The following PCDH15 variants were observed in gnomAD, a reference collection of about 807,000 sequenced individuals.
PCDH15 encodes protocadherin-15.
PCDH15 carries 129 observed loss-of-function variants against 178.5 expected under a neutral mutation model. The ratio of observed to expected loss-of-function variants is 0.72; its 90% CI spans 0.63 to 0.84. The LOEUF (loss-of-function observed/expected upper bound fraction) is 0.84. PCDH15 is among the 40% of genes least tolerant of loss of function. The pLI, the probability that PCDH15 is intolerant of heterozygous loss-of-function variation, is 0.00. For synonymous variants in PCDH15, 800 were observed against 732.0 expected (o/e 1.09, Z -1.50); for missense variants, 2,230 against 2,099.9 (o/e 1.06, Z -1.21).
At chr10:54,031,831 AAAGT>A (rs1381067279) in intron 18 of PCDH15, among the ~76,000 whole-genome samples, 1 of 152,012 alleles carries the variant, frequency 6.6e-6, no homozygotes, top group Non-Finnish European at 1.5e-5. Context: ...GCAAAGAAAG[AAAGT>A]AATGTTGTTT....
chr10:54,904,648 C>T (rs1307849021), intron 2 of PCDH15, among the ~76,000 whole-genome samples: 1 of 151,938 alleles, frequency 6.6e-6, no homozygotes. Context: ...TCAGAATGAA[C>T]CATGACATTT....
At chr10:55,291,659 C>T (rs1476790381) in intron 1 of PCDH15, among the ~76,000 whole-genome samples, 1 of 152,154 alleles carries the variant, frequency 6.6e-6, no homozygotes, top group African/African-American at 2.4e-5. Flanking sequence ...TGACTGACTT[C>T]TTTGAAGTCA....
At chr10:55,005,231 A>G (rs954803966) in intron 2 of PCDH15, among the ~76,000 whole-genome samples, 3 of 32,486 alleles carry the variant, frequency 9.2e-5, no homozygotes, top group African/African-American at 2.1e-4. Flanking sequence ...ATAATAATCA[A>G]TGGAGCCTCT....
At chr10:54,396,528 TCTGG>T (rs1951249497) in intron 3 of PCDH15, among the ~76,000 whole-genome samples, 1 of 152,162 alleles carries the variant, frequency 6.6e-6, no homozygotes, top group Admixed American at 6.6e-5. Flanking sequence ...TTTAGTATTT[TCTGG>T]CTGACAGAGC....
chr10:55,393,629 A>C (rs1374005854), intron 2 of PCDH15, among the ~76,000 whole-genome samples: 1 of 152,118 alleles, frequency 6.6e-6, no homozygotes, highest in Non-Finnish European at 1.5e-5. Flanking sequence ...AATTCCTTAA[A>C]CTACAAGAAA....
At chr10:54,166,915 C>G (rs1160521295) in intron 13 of PCDH15, among the ~76,000 whole-genome samples, 1 of 152,218 alleles carries the variant, frequency 6.6e-6, no homozygotes. Context: ...CTCCACTGAG[C>G]ACCTTGCGAA....
At chr10:54,656,387 C>T (rs1364402557) in intron 2 of PCDH15, among the ~76,000 whole-genome samples, 1 of 152,114 alleles carries the variant, frequency 6.6e-6, no homozygotes, top group Non-Finnish European at 1.5e-5. Context: ...CAACAACCTG[C>T]TAACCATCGA....
At chr10:54,998,664 T>C (rs1839710791) in intron 2 of PCDH15, among the ~76,000 whole-genome samples, 1 of 152,174 alleles carries the variant, frequency 6.6e-6, no homozygotes, top group Non-Finnish European at 1.5e-5. Context: ...GCAATTCTTT[T>C]TTTAATATTG....
chr10:55,231,926 G>C (rs543176509), intron 1 of PCDH15, among the ~76,000 whole-genome samples: 1 of 151,986 alleles, frequency 6.6e-6, no homozygotes, highest in South Asian at 2.1e-4. Flanking sequence ...ATTAATAATA[G>C]GAAGGGTAAT....
chr10:55,306,097 G>T (rs1245160268), intron 1 of PCDH15, among the ~76,000 whole-genome samples: 2 of 152,106 alleles, frequency 1.3e-5, no homozygotes, highest in Non-Finnish European at 2.9e-5. Context: ...ACCCACCCAA[G>T]CTATCATTAA....
Position 54,076,633 on chromosome 10 carries a change from AT to A in PCDH15, c.2091+2697del, listed in dbSNP as rs533133294. On this transcript the variant is annotated intron_variant, in intron 17 of 37. Coordinates refer to ENST00000644397, the MANE Select transcript of PCDH15 (RefSeq NM_001384140.1). ...TGTACCCCCGATAGCTAAAAAAAAA[AT>A]AAATTACATGACACATGCAACTTAT... is the stretch of plus-strand genomic sequence containing the variant. Among the ~76,000 whole-genome samples the A allele has an allele frequency of 6.6e-5, 10 of 152,252 alleles. No individual in the cohort carries two copies. In the East Asian group the frequency reaches 1.9e-3, roughly 29 times the overall value.
At chr10:54,252,419 A>C (rs941940246) in intron 8 of PCDH15, among the ~76,000 whole-genome samples, 1 of 152,220 alleles carries the variant, frequency 6.6e-6, no homozygotes, top group Non-Finnish European at 1.5e-5. Flanking sequence ...TCAAAGATTG[A>C]TACTTCGAGG....
intron 2 of PCDH15, among the ~76,000 whole-genome samples, chr10:54,578,601 T>C (rs1233158609): frequency 1.3e-5 from 2 of 152,134 alleles, no homozygotes; most frequent in Non-Finnish European, 2.9e-5. Context: ...AGTTTTATGG[T>C]CAGAATGACA....
intron 13 of PCDH15, among the ~76,000 whole-genome samples, chr10:54,172,570 A>C (rs1054899722): frequency 5.9e-5 from 9 of 152,220 alleles, no homozygotes; most frequent in African/African-American, 2.2e-4. Flanking sequence ...CAATAGGTGA[A>C]TAAAAGCTAA....
chr10:54,063,773 T>G (rs2094079579), intron 18 of PCDH15, among the ~76,000 whole-genome samples: 1 of 152,194 alleles, frequency 6.6e-6, no homozygotes, highest in Admixed American at 6.5e-5. Flanking sequence ...TCACTGTGCA[T>G]AGCCACGCAC....
At chr10:55,071,452 C>T (rs1233225701) in intron 2 of PCDH15, among the ~76,000 whole-genome samples, 2 of 152,066 alleles carry the variant, frequency 1.3e-5, no homozygotes, top group African/African-American at 2.4e-5. Context: ...CAATCCTAGT[C>T]TCTGATAAAA....
intron 1 of PCDH15, among the ~76,000 whole-genome samples, chr10:54,796,258 CTAT>C (rs1951968013): frequency 9.3e-6 from 1 of 107,452 alleles, no homozygotes; most frequent in Non-Finnish European, 1.9e-5. Flanking sequence ...ATCTATCTAT[CTAT>C]CTATCTATCT....
chr10:54,737,311 G>C (rs931648478), intron 1 of PCDH15, among the ~76,000 whole-genome samples: 1 of 152,088 alleles, frequency 6.6e-6, no homozygotes, highest in African/African-American at 2.4e-5. Flanking sequence ...TGGTAAAGCT[G>C]TAACCATAAA....
intron 2 of PCDH15, among the ~76,000 whole-genome samples, chr10:54,937,175 C>A (rs1042249453): frequency 6.6e-6 from 1 of 151,792 alleles, no homozygotes; most frequent in Non-Finnish European, 1.5e-5. Context: ...AATTCTGTGT[C>A]TATCCTATGT....
Sources: allele counts gnomAD v4.1 joint callset (sites outside exome capture counted in the v4.1 genomes callset), GRCh38; gene constraint gnomAD v4.1.1; transcripts MANE v1.5; gene names NCBI Gene and HGNC (gene_info 2026-07-23, HGNC 2026-07-21).